ZNF676: variants seen among roughly 807,000 people sequenced by gnomAD.
ZNF676 encodes the protein zinc finger protein 676.
Under a neutral mutation model 6.0 loss-of-function variants are expected in ZNF676, and 4 were observed. The ratio of observed to expected loss-of-function variants is 0.67; its 90% CI spans 0.33 to 1.53. The LOEUF is 1.53. Among genes scored for constraint, ZNF676 ranks in the 40% most tolerant of loss-of-function variants. The pLI, the probability that ZNF676 is intolerant of heterozygous loss-of-function variation, is 0.06. For missense variants in ZNF676, 644 were observed against 679.7 expected, an observed-to-expected ratio of 0.95 and a Z score of 0.58; for synonymous variants, 198 against 223.1, an observed-to-expected ratio of 0.89 and a Z score of 1.00.
chr19:22,237,531 C>T, the ZNF676 span, among the ~76,000 whole-genome samples: 2 of 152,160 alleles, frequency 1.3e-5, no homozygotes, highest in African/African-American at 2.4e-5. Flanking sequence ...GCCGCTGGGA[C>T]TTTAGTCTAC....
chr19:22,209,974 T>A (rs1016091165), intron 1 of ZNF676, among the ~76,000 whole-genome samples: 3 of 152,266 alleles, frequency 2.0e-5, no homozygotes, highest in South Asian at 2.1e-4. Flanking sequence ...CATCAATGTC[T>A]AGTGGGTGTT....
At chr19:22,253,364 G>GTATATA in the ZNF676 span, among the ~76,000 whole-genome samples, 1 of 51,842 alleles carries the variant, frequency 1.9e-5, no homozygotes, top group African/African-American at 6.9e-5. Flanking sequence ...GTGTGTGTGT[G>GTATATA]TGTGTGTGTA....
In ZNF676 at chr19:22,180,399, T is replaced by C. The variant is rs1199648653; in HGVS notation, c.1318A>G (p.Lys440Glu). ...FSWSSSLTEHKRIHAGEKPYK... is the reference protein window; with the variant it reads ...FSWSSSLTEHERIHAGEKPYK... ...GGTTTCTCTCCAGCATGAATTCTCT[T>C]GTGTTCAGTAAGGCTTGAGGACCAG... Residue 440 changes from lysine to glutamate, a missense_variant, in exon 3 of 3, where the codon AAG (lysine) becomes GAG (glutamate). Physicochemically the swap from Lys to Glu is moderately conservative, Grantham distance 56. Coordinates refer to ENST00000397121, the MANE Select transcript of ZNF676 (RefSeq NM_001001411.3). The C allele has an allele frequency of 1.2e-6, 2 of 1,613,836 alleles. No homozygotes were observed. The highest frequency in any genetic ancestry group is 4.5e-5 in the East Asian group (2 of 44,850).
chr19:22,180,096 C>G lies in ZNF676; in HGVS notation c.1621G>C (p.Ala541Pro), dbSNP rs750551430. The change falls in exon 3 of 3, where the codon GCC (alanine) becomes CCC (proline). Residue 541 changes from alanine (A) to proline (P), a missense_variant. Physicochemically the swap from Ala to Pro is conservative, Grantham distance 27. Around this residue, in one of 5 missense-constraint regions of ZNF676, gnomAD observed 306 missense variants for 265.4 expected, o/e 1.15. Transcript: ENST00000397121. ...GTAAGGCTTGAGGATCTGCTGAAGG[C>G]TTTGCCACATTCTTCACATTTGTAG... ...KPYKCEECGK[A>P]FSRSSSLTRH... 1 of 1,613,692 alleles carries G rather than the reference C, an allele frequency of 6.2e-7. No individual in the cohort carries two copies. Among genetic ancestry groups the G allele is most frequent in the Non-Finnish European group, 8.5e-7 (1 of 1,179,920 alleles).
At chr19:22,242,591 T>C in the ZNF676 span, among the ~76,000 whole-genome samples, 2 of 151,868 alleles carry the variant, frequency 1.3e-5, no homozygotes, top group Non-Finnish European at 2.9e-5. Flanking sequence ...TCACATAACT[T>C]AGATGCTGAG....
intron 2 of ZNF676, among the ~76,000 whole-genome samples, chr19:22,184,051 A>C (rs1175519627): frequency 1.3e-5 from 2 of 152,144 alleles, no homozygotes; most frequent in Non-Finnish European, 2.9e-5. Flanking sequence ...TAAAAATGAA[A>C]ATAGAGGAGG....
upstream of ZNF676, among the ~76,000 whole-genome samples, chr19:22,198,996 T>G (rs1385136486): frequency 6.8e-6 from 1 of 147,828 alleles, no homozygotes; most frequent in African/African-American, 2.5e-5. Context: ...TAAAACAACA[T>G]GAATGCTTCC....
the ZNF676 span, among the ~76,000 whole-genome samples, chr19:22,258,004 G>T: frequency 1.1e-4 from 16 of 152,282 alleles, no homozygotes; most frequent in East Asian, 2.9e-3. Context: ...CTCCATTGTG[G>T]ACAGGACTGA....
At chr19:22,249,042 T>A in the ZNF676 span, among the ~76,000 whole-genome samples, 1 of 152,130 alleles carries the variant, frequency 6.6e-6, no homozygotes. Context: ...GTGTGATAGT[T>A]ATATATGAAA....
At chr19:22,226,554 TTTTA>T in the ZNF676 span, among the ~76,000 whole-genome samples, 3 of 151,032 alleles carry the variant, frequency 2.0e-5, no homozygotes, top group Non-Finnish European at 2.9e-5. Flanking sequence ...TTTATTTTTA[TTTTA>T]TTTATTTATT....
chr19:22,210,653 T>C (rs184783245), intron 1 of ZNF676, among the ~76,000 whole-genome samples: 48 of 152,308 alleles, frequency 3.2e-4, no homozygotes, highest in Admixed American at 2.6e-3. Flanking sequence ...CCCTTCCCAT[T>C]GTGACTTAGA....
chr19:22,252,356 C>T, the ZNF676 span, among the ~76,000 whole-genome samples: 3 of 144,766 alleles, frequency 2.1e-5, no homozygotes, highest in African/African-American at 7.6e-5. Context: ...GATCGTGCCA[C>T]TGCATTCCAG....
upstream of ZNF676, among the ~76,000 whole-genome samples, chr19:22,220,369 G>C (rs1198124705): frequency 6.6e-6 from 1 of 151,882 alleles, no homozygotes; most frequent in Non-Finnish European, 1.5e-5. Flanking sequence ...TCTATCTTTT[G>C]GAATAGTTTC....
chr19:22,228,617 G>A, the ZNF676 span, among the ~76,000 whole-genome samples: 5 of 152,106 alleles, frequency 3.3e-5, no homozygotes, highest in South Asian at 2.1e-4. Flanking sequence ...CATCATCTCC[G>A]CCCCAAATCT....
upstream of ZNF676, among the ~76,000 whole-genome samples, chr19:22,219,941 C>T (rs1485142992): frequency 2.0e-5 from 3 of 152,148 alleles, no homozygotes; most frequent in Non-Finnish European, 4.4e-5. Flanking sequence ...AGGCATGAGC[C>T]ACCACGCCCA....
At chr19:22,182,155 T>G (rs1210616613) in intron 2 of ZNF676, among the ~76,000 whole-genome samples, 1 of 152,084 alleles carries the variant, frequency 6.6e-6, no homozygotes, top group Admixed American at 6.6e-5. Context: ...AAGTGATTAC[T>G]TTTCAGAAGA....
chr19:22,242,728 C>G, the ZNF676 span, among the ~76,000 whole-genome samples: 1 of 151,830 alleles, frequency 6.6e-6, no homozygotes, highest in African/African-American at 2.4e-5. Flanking sequence ...AGGAGTGTAA[C>G]CTCACCTAGG....
At chr19:22,212,318 T>C (rs2024137160) in intron 1 of ZNF676, among the ~76,000 whole-genome samples, 1 of 152,094 alleles carries the variant, frequency 6.6e-6, no homozygotes, top group African/African-American at 2.4e-5. Flanking sequence ...TATAATTAGA[T>C]ATTATTTTTT....
the ZNF676 span, among the ~76,000 whole-genome samples, chr19:22,257,929 G>T: frequency 6.6e-6 from 1 of 152,248 alleles, no homozygotes; most frequent in South Asian, 2.1e-4. Context: ...CCCCAGTGGG[G>T]GAGCACCCAG....
Sources: allele counts gnomAD v4.1 joint callset (sites outside exome capture counted in the v4.1 genomes callset), GRCh38; gene constraint gnomAD v4.1.1; regional missense constraint gnomAD v4.1.1; transcripts MANE v1.5; gene names NCBI Gene and HGNC (gene_info 2026-07-23, HGNC 2026-07-21).